Variants in BFSP1 observed in about 807,000 individuals in gnomAD.
The protein encoded by BFSP1 is filensin.
A neutral mutation model predicts 43.9 loss-of-function variants in BFSP1; 38 were observed. The observed-to-expected ratio is 0.87, with a 90% CI of 0.67 to 1.14. The LOEUF (loss-of-function observed/expected upper bound fraction) is 1.14, where lower values mean the gene tolerates loss of function less well. Ranked by LOEUF, BFSP1 falls within the 50% of genes most tolerant of loss-of-function variation. BFSP1 has a pLI of 0.00. For synonymous variants in BFSP1, 352 were observed against 354.8 expected, an observed-to-expected ratio of 0.99 and a Z score of 0.09; for missense variants, 850 against 875.1, an observed-to-expected ratio of 0.97 and a Z score of 0.36.
chr20:17,557,550 G>A (rs564675175), intron 1 of BFSP1, among the ~76,000 whole-genome samples: 2 of 152,314 alleles, frequency 1.3e-5, no homozygotes, highest in African/African-American at 4.8e-5. Flanking sequence ...GTGGTTGTAG[G>A]AGGGTTGCCG....
chr20:17,568,867 T>A (rs2035154692), intron 1 of BFSP1, among the ~76,000 whole-genome samples: 1 of 152,144 alleles, frequency 6.6e-6, no homozygotes, highest in Non-Finnish European at 1.5e-5. Context: ...ATAGTTTTGG[T>A]CGAGGCCATG....
intron 3 of BFSP1, among the ~76,000 whole-genome samples, chr20:17,513,982 G>T (rs998246015): frequency 2.0e-5 from 3 of 152,170 alleles, no homozygotes; most frequent in African/African-American, 7.2e-5. Flanking sequence ...TGCTCCTGGG[G>T]ACAGGAGTTC....
chr20:17,558,699 A>G, exon 1 of BFSP1: 1 of 1,552,032 alleles, frequency 6.4e-7, no homozygotes, highest in Non-Finnish European at 8.7e-7. Flanking sequence ...TACTTTCTCC[A>G]GCATGGAGGC....
intron 1 of BFSP1, among the ~76,000 whole-genome samples, chr20:17,529,217 C>T (rs530046871): frequency 6.6e-6 from 1 of 152,044 alleles, no homozygotes; most frequent in Non-Finnish European, 1.5e-5. Context: ...GAACTACAGG[C>T]GTGTGCCACT....
At chr20:17,549,451 AAG>A (rs1184490693) in intron 1 of BFSP1, among the ~76,000 whole-genome samples, 32 of 152,232 alleles carry the variant, frequency 2.1e-4, no homozygotes, top group Non-Finnish European at 5.9e-5. Flanking sequence ...GAGCAGGAGC[AAG>A]AGAGAGAGTG....
intron 5 of BFSP1, 80 bp downstream of exon 5, chr20:17,508,809 C>G: frequency 7.7e-7 from 1 of 1,293,924 alleles, no homozygotes; most frequent in South Asian, 1.6e-5. Flanking sequence ...GCTCCTCAAG[C>G]TGCATGCGTG....
chr20:17,502,599 C>T, intron 5 of BFSP1, among the ~76,000 whole-genome samples: 1 of 152,184 alleles, frequency 6.6e-6, no homozygotes, highest in Non-Finnish European at 1.5e-5. Context: ...AGGTTTTTAT[C>T]ATCGGCCCGT....
At chr20:17,559,913 C>T (rs2035051691), upstream of BFSP1, among the ~76,000 whole-genome samples, 3 of 152,108 alleles carry the variant, frequency 2.0e-5, no homozygotes, top group African/African-American at 4.8e-5. Context: ...TCAAATACCT[C>T]ACCGAAGGAC....
chr20:17,545,144 G>A (rs1379884332), intron 1 of BFSP1, among the ~76,000 whole-genome samples: 1 of 152,172 alleles, frequency 6.6e-6, no homozygotes, highest in Non-Finnish European at 1.5e-5. Flanking sequence ...CAGGCAAAAG[G>A]GAGGTAGCAC....
At chr20:17,539,506 G>A (rs2034682175) in intron 1 of BFSP1, among the ~76,000 whole-genome samples, 1 of 152,064 alleles carries the variant, frequency 6.6e-6, no homozygotes, top group African/African-American at 2.4e-5. Context: ...CAGCACTTTG[G>A]GAGGCTGAGG....
intron 2 of BFSP1, among the ~76,000 whole-genome samples, chr20:17,516,202 C>G (rs1486700158): frequency 1.3e-5 from 2 of 152,162 alleles, no homozygotes; most frequent in East Asian, 3.9e-4. Context: ...TGGCACATGC[C>G]TGTAATCCCA....
At chr20:17,549,801 A>G (rs920905787) in intron 1 of BFSP1, among the ~76,000 whole-genome samples, 1 of 152,136 alleles carries the variant, frequency 6.6e-6, no homozygotes, top group African/African-American at 2.4e-5. Context: ...GTGCCACTAC[A>G]CTCCAGCCTG....
At chr20:17,504,545 C>T (rs1345075004) in intron 5 of BFSP1, among the ~76,000 whole-genome samples, 1 of 152,146 alleles carries the variant, frequency 6.6e-6, no homozygotes, top group Admixed American at 6.5e-5. Flanking sequence ...AAGAAAGGGG[C>T]TTCCAGGAGG....
At position 17,494,176 on chromosome 20, in the gene BFSP1, G is replaced by A. The variant is rs143928151; in HGVS notation, c.1896C>T (p.Ser632=). The change falls in exon 8 of 8, where the codon TCC becomes TCT. Residue 632 remains serine, a synonymous_variant. Coordinates refer to ENST00000377873, the MANE Select transcript of BFSP1 (RefSeq NM_001195.5). ...CTTCATATGTCTGAATGCTCTCCGT[G>A]GAAATCTTCTCGATAGATTCCACCA... The part of the protein sequence containing the change: ...VEVVESIEKI[S]TESIQTYEET... 7.4e-6 allele frequency: 12 copies of A among 1,614,130 alleles called. No homozygotes were observed. The highest frequency in any genetic ancestry group is 3.3e-4 in the Middle Eastern group (2 of 6,062).
chr20:17,547,528 T>C lies in BFSP1; in HGVS notation c.2+11160A>G, dbSNP rs575542937. 2.0e-5 allele frequency among the ~76,000 whole-genome samples: 3 copies of C among 152,286 alleles called. No homozygotes were observed. The East Asian group carries it at 5.8e-4, about 29-fold the overall frequency. ...AAACTTTAACCATCTGTACCCCTGTTGAATATAACAAATAATCATTTTAAA... is the reference window on the plus strand; with the variant it reads ...AAACTTTAACCATCTGTACCCCTGTCGAATATAACAAATAATCATTTTAAA... On this transcript the variant is annotated intron_variant, in intron 1 of 7. Transcript: ENST00000377868.
At position 17,494,964 on chromosome 20, in the gene BFSP1, C is replaced by T. The variant is rs774430170; in HGVS notation, c.1108G>A (p.Val370Ile). The T allele has an allele frequency of 6.8e-6, 11 of 1,614,132 alleles. No individual in the cohort carries two copies. The highest frequency in any genetic ancestry group is 6.8e-6 in the Non-Finnish European group (8 of 1,180,022). Residue 370 changes from valine to isoleucine, a missense_variant, in exon 8 of 8, where the codon GTT (valine) becomes ATT (isoleucine). Transcript: ENST00000377873. ...KPRQKALPKN[V>I]PRRKEIITKD... is the part of the protein sequence containing the mutation. ...GTTATAATCTCTTTTCTCCTTGGAACATTCTTGGGGAGGGCTTTTTGTCTT... is the reference window on the plus strand; with the variant it reads ...GTTATAATCTCTTTTCTCCTTGGAATATTCTTGGGGAGGGCTTTTTGTCTT...
intron 1 of BFSP1, among the ~76,000 whole-genome samples, chr20:17,545,241 G>A (rs1006474597): frequency 7.2e-5 from 11 of 152,184 alleles, no homozygotes; most frequent in African/African-American, 2.7e-4. Context: ...CATTGACACT[G>A]GGGGTAGGGT....
chr20:17,499,173 G>A, intron 5 of BFSP1, 133 bp from the exon 6 acceptor site: 1 of 760,278 alleles, frequency 1.3e-6, no homozygotes, highest in South Asian at 1.8e-5. Context: ...TTCGAGATTA[G>A]CAATGAATCA....
upstream of BFSP1, chr20:17,531,498 A>G (rs2034540980): frequency 2.0e-6 from 2 of 1,018,790 alleles, no homozygotes; most frequent in African/African-American, 3.4e-5. Flanking sequence ...CGGGAGAAGA[A>G]AAGAGCAGCG....
Sources: allele counts gnomAD v4.1 joint callset (sites outside exome capture counted in the v4.1 genomes callset), GRCh38; gene constraint gnomAD v4.1.1; transcripts MANE v1.5; gene names NCBI Gene and HGNC (gene_info 2026-07-23, HGNC 2026-07-21).